The following PCDH11X variants were observed in gnomAD, a reference collection of about 807,000 sequenced individuals.
PCDH11X encodes protocadherin 11 X-linked, also known as protocadherin-11 X-linked.
A neutral mutation model predicts 53.3 loss-of-function variants in PCDH11X; 18 were observed. The ratio of observed to expected loss-of-function variants is 0.34; its 90% CI spans 0.23 to 0.50. The LOEUF is 0.50. PCDH11X is among the 20% of genes least tolerant of loss of function. The pLI is 0.98. For synonymous variants in PCDH11X, 279 were observed against 393.3 expected (o/e 0.71, Z 3.44); for missense variants, 570 against 1,032.4 (o/e 0.55, Z 6.14).
At chrX:91,846,926 A>G (rs1405250224) in intron 5 of PCDH11X, among the ~76,000 whole-genome samples, 2 of 112,039 alleles carry the variant, frequency 1.8e-5, no homozygotes, top group Non-Finnish European at 3.8e-5. Context: ...TTGCTATTTC[A>G]TGAATAATTG....
At position 92,201,659 on chromosome X, in the gene PCDH11X, T is replaced by A. The variant is rs186826247; in HGVS notation, c.3114+204T>A. 2.1e-3 allele frequency among the ~76,000 whole-genome samples: 231 copies of A among 112,109 alleles called. 1 individual carries two copies. Among genetic ancestry groups the A allele is most frequent in the African/African-American group, 7.2e-3 (222 of 30,944 alleles). ...GTGTGATTTGATAATAACAGTGAAATTAACTTGTTGGATCAAGTAAAAGTG... is the reference window on the plus strand; with the variant it reads ...GTGTGATTTGATAATAACAGTGAAAATAACTTGTTGGATCAAGTAAAAGTG... On this transcript the variant is annotated intron_variant, in intron 7 of 10. Transcript: ENST00000682573.
At chrX:91,946,673 T>C (rs926868961) in intron 6 of PCDH11X, among the ~76,000 whole-genome samples, 1 of 96,627 alleles carries the variant, frequency 1.0e-5, no homozygotes, top group African/African-American at 3.7e-5. Context: ...TGAGGCAATA[T>C]ATATTTTTAA....
rs375962246 is a variant in PCDH11X, at chrX:91,852,873, A to T, written c.540+16829A>T. Among the ~76,000 whole-genome samples the T allele has an allele frequency of 9.2e-4, 96 of 103,981 alleles. 3 individuals are homozygous for T. The East Asian group carries it at 0.026, about 28-fold the overall frequency. 90.3% of individuals were successfully genotyped at this position (103,981 alleles called of 115,157 possible). On this transcript the variant is annotated intron_variant, in intron 5 of 10. Coordinates refer to ENST00000682573, the MANE Select transcript of PCDH11X (RefSeq NM_032968.5). ...AAAACCATTGCTTTAGCTCACCCTTACACATATTCATAAGAGAGGATTTTG... is the reference window on the plus strand; with the variant it reads ...AAAACCATTGCTTTAGCTCACCCTTTCACATATTCATAAGAGAGGATTTTG...
At chrX:92,312,897 T>C (rs1236458509) in intron 8 of PCDH11X, among the ~76,000 whole-genome samples, 1 of 111,507 alleles carries the variant, frequency 9.0e-6, no homozygotes, top group East Asian at 2.8e-4. Context: ...TGTTCAGGAA[T>C]AGAGGCTTGC....
At chrX:92,377,909 A>G (rs1360185702) in intron 8 of PCDH11X, among the ~76,000 whole-genome samples, 1 of 108,885 alleles carries the variant, frequency 9.2e-6, no homozygotes, top group Non-Finnish European at 1.9e-5. Flanking sequence ...TCCAAAGACA[A>G]TTCATCAATT....
intron 6 of PCDH11X, among the ~76,000 whole-genome samples, chrX:91,998,633 C>G (rs2062458488): frequency 9.0e-6 from 1 of 110,566 alleles, no homozygotes; most frequent in Non-Finnish European, 1.9e-5. Flanking sequence ...TAACTCTAGT[C>G]TTAGTCCATC....
At chrX:92,599,548 G>T (rs1926013009) in intron 10 of PCDH11X, among the ~76,000 whole-genome samples, 1 of 112,260 alleles carries the variant, frequency 8.9e-6, no homozygotes, top group Non-Finnish European at 1.9e-5. Context: ...TGCCATGATT[G>T]TGAGGCCTTC....
intron 6 of PCDH11X, among the ~76,000 whole-genome samples, chrX:91,994,760 C>T (rs2062383963): frequency 9.0e-6 from 1 of 111,448 alleles, no homozygotes; most frequent in Non-Finnish European, 1.9e-5. Flanking sequence ...TACATCCCCA[C>T]CCACAGTTTA....
At chrX:92,079,521 T>C (rs960835513) in intron 6 of PCDH11X, among the ~76,000 whole-genome samples, 1 of 110,943 alleles carries the variant, frequency 9.0e-6, no homozygotes, top group Non-Finnish European at 1.9e-5. Flanking sequence ...TATCTGTTAG[T>C]GGGTGTCCTC....
At chrX:92,270,611 A>T (rs1193970847) in intron 8 of PCDH11X, among the ~76,000 whole-genome samples, 2 of 111,906 alleles carry the variant, frequency 1.8e-5, no homozygotes, top group African/African-American at 6.5e-5. Context: ...GAAGGCTTTG[A>T]TATTTAAAGG....
At chrX:92,556,190 C>A (rs2075043137) in intron 10 of PCDH11X, among the ~76,000 whole-genome samples, 1 of 110,736 alleles carries the variant, frequency 9.0e-6, no homozygotes, top group African/African-American at 3.3e-5. Context: ...ACAGCCAAAC[C>A]ACACAATTCC....
intron 10 of PCDH11X, among the ~76,000 whole-genome samples, chrX:92,609,861 G>T (rs926548053): frequency 2.7e-5 from 3 of 111,265 alleles, no homozygotes; most frequent in African/African-American, 6.5e-5. Flanking sequence ...TTGGCTTTCT[G>T]TTGCTGTGTT....
At chrX:92,008,244 C>G (rs1433427317) in intron 6 of PCDH11X, among the ~76,000 whole-genome samples, 2 of 110,560 alleles carry the variant, frequency 1.8e-5, no homozygotes, top group Non-Finnish European at 3.8e-5. Flanking sequence ...ATTCTTATGG[C>G]CTAGACAGCC....
chrX:92,032,205 G>T (rs763702189), intron 6 of PCDH11X, among the ~76,000 whole-genome samples: 13 of 110,616 alleles, frequency 1.2e-4, no homozygotes, highest in Non-Finnish European at 2.3e-4. Context: ...TCAGTTCTTC[G>T]GTTAGGTTAA....
At chrX:92,585,389 T>TTG (rs1924265620) in intron 10 of PCDH11X, among the ~76,000 whole-genome samples, 1 of 105,578 alleles carries the variant, frequency 9.5e-6, no homozygotes, top group African/African-American at 3.5e-5. Context: ...TTTTTTTTTT[T>TTG]GGGACAGAGT....
chrX:92,233,285 A>AT (rs1193590582), intron 7 of PCDH11X, among the ~76,000 whole-genome samples: 1 of 110,165 alleles, frequency 9.1e-6, no homozygotes, highest in Admixed American at 9.7e-5. Flanking sequence ...GTCCTTTCCC[A>AT]TTTTTTTAAT....
At chrX:92,527,331 G>A (rs1457400340) in intron 10 of PCDH11X, among the ~76,000 whole-genome samples, 1 of 111,044 alleles carries the variant, frequency 9.0e-6, no homozygotes, top group Admixed American at 9.6e-5. Flanking sequence ...CATTCCCCAT[G>A]ATGAGATTAT....
chrX:92,421,841 G>T (rs1431448044), intron 9 of PCDH11X, among the ~76,000 whole-genome samples: 2 of 111,764 alleles, frequency 1.8e-5, no homozygotes, highest in East Asian at 5.6e-4. Context: ...GTGCTTGTAG[G>T]TCACACGTAT....
chrX:92,438,146 CTTGCCTACACA>C (rs1351874872), intron 9 of PCDH11X, among the ~76,000 whole-genome samples: 7 of 111,644 alleles, frequency 6.3e-5, no homozygotes, highest in Non-Finnish European at 1.3e-4. Context: ...GTCAAGCACC[CTTGCCTACACA>C]TTGTCCTTTC....
Sources: allele counts gnomAD v4.1 joint callset (sites outside exome capture counted in the v4.1 genomes callset), GRCh38; gene constraint gnomAD v4.1.1; transcripts MANE v1.5; gene names NCBI Gene and HGNC (gene_info 2026-07-23, HGNC 2026-07-21).